Variants in SPTBN1 observed in about 807,000 individuals in gnomAD.
The protein encoded by SPTBN1 is spectrin beta, non-erythrocytic 1.
A neutral mutation model predicts 266.4 loss-of-function variants in SPTBN1; 32 were observed. The observed-to-expected ratio is 0.12, with a 90% CI of 0.09 to 0.16. The LOEUF is 0.16. Ranked by LOEUF, SPTBN1 falls within the 10% of genes least tolerant of loss-of-function variation. The probability of loss-of-function intolerance (pLI) is 1.00; values close to 1 mark genes in which losing one functional copy is unlikely to be tolerated. For synonymous variants in SPTBN1, 1,336 were observed against 1,162.2 expected (o/e 1.15, Z -3.04); for missense variants, 2,296 against 3,067.1 (o/e 0.75, Z 5.94).
chr2:54,499,650 A>C (rs575253364), intron 1 of SPTBN1, among the ~76,000 whole-genome samples: 1 of 152,224 alleles, frequency 6.6e-6, no homozygotes, highest in African/African-American at 2.4e-5. Context: ...TAAAAACACA[A>C]CATTTGTAAT....
At chr2:54,527,434 A>G (rs915423813) in intron 2 of SPTBN1, 11 of 152,272 alleles carry the variant, frequency 7.2e-5, no homozygotes, top group African/African-American at 1.9e-4. Flanking sequence ...TGTTGCCTTT[A>G]TAGTGGAATC....
In SPTBN1 at chr2:54,503,845, G is replaced by A. The variant is rs185791223; in HGVS notation, c.-47-22527G>A. Among the ~76,000 whole-genome samples the A allele has an allele frequency of 2.5e-3, 378 of 152,210 alleles. 2 individuals carry two copies. The highest frequency in any genetic ancestry group is 8.7e-3 in the African/African-American group (363 of 41,512). On this transcript the variant is annotated intron_variant, in intron 1 of 35. Transcript: ENST00000356805. ...TCTAAATGTATGGGTTCACTTTTGG[G>A]GGGAATATTTTGGTGCTGTCATAAT...
intron 2 of SPTBN1, chr2:54,526,976 C>T (rs10189084): frequency 0.047 from 7,315 of 154,228 alleles, 535 homozygotes; most frequent in African/African-American, 0.16. Flanking sequence ...GTATTACACG[C>T]AAGGATTTTA....
intron 1 of SPTBN1, among the ~76,000 whole-genome samples, chr2:54,471,120 A>G (rs1425933774): frequency 6.6e-6 from 1 of 152,106 alleles, no homozygotes; most frequent in African/African-American, 2.4e-5. Context: ...GGGGTGGCTC[A>G]TGCCTGTAAT....
intron 1 of SPTBN1, among the ~76,000 whole-genome samples, chr2:54,485,143 C>T (rs1050580151): frequency 9.5e-6 from 1 of 105,716 alleles, no homozygotes; most frequent in Non-Finnish European, 2.3e-5. Context: ...TGAAAACAAT[C>T]GCCTCTCCCT....
intron 2 of SPTBN1, among the ~76,000 whole-genome samples, chr2:54,567,157 G>A (rs1029804091): frequency 2.6e-5 from 4 of 152,128 alleles, no homozygotes; most frequent in Non-Finnish European, 2.9e-5. Flanking sequence ...CTTGATCTAG[G>A]TAAGAGGTGA....
chr2:54,633,553 TG>T (rs1239946966), intron 17 of SPTBN1, among the ~76,000 whole-genome samples: 1 of 152,172 alleles, frequency 6.6e-6, no homozygotes, highest in African/African-American at 2.4e-5. Context: ...AGTTGGAGGT[TG>T]GGGCAGATCA....
At chr2:54,661,039 G>A (rs908656243) in intron 32 of SPTBN1, 21 of 985,198 alleles carry the variant, frequency 2.1e-5, no homozygotes, top group South Asian at 1.4e-4. Flanking sequence ...GCCTGGGAGC[G>A]CTCGCATGCC....
At chr2:54,532,681 T>C (rs914930715) in intron 2 of SPTBN1, among the ~76,000 whole-genome samples, 3 of 152,222 alleles carry the variant, frequency 2.0e-5, no homozygotes, top group African/African-American at 7.2e-5. Context: ...AGGCCCACTT[T>C]CCTGACCTCT....
At chr2:54,555,715 C>A (rs954178615) in intron 2 of SPTBN1, among the ~76,000 whole-genome samples, 1 of 152,196 alleles carries the variant, frequency 6.6e-6, no homozygotes, top group Non-Finnish European at 1.5e-5. Context: ...TTCCTCCCAG[C>A]CTGACGGTTC....
At chr2:54,534,730 T>C (rs1387267249) in intron 2 of SPTBN1, among the ~76,000 whole-genome samples, 1 of 152,196 alleles carries the variant, frequency 6.6e-6, no homozygotes, top group Non-Finnish European at 1.5e-5. Context: ...CAGACTCTCT[T>C]CTCACCTCAG....
intron 2 of SPTBN1, among the ~76,000 whole-genome samples, chr2:54,570,269 C>T (rs1013275845): frequency 3.9e-5 from 6 of 152,210 alleles, no homozygotes; most frequent in South Asian, 2.1e-4. Context: ...TTTCAAGAGG[C>T]ACAAGACCTT....
chr2:54,474,083 A>C (rs1694063671), intron 1 of SPTBN1, among the ~76,000 whole-genome samples: 1 of 152,238 alleles, frequency 6.6e-6, no homozygotes, highest in African/African-American at 2.4e-5. Context: ...ATGGAAGTTC[A>C]TACCACTGGT....
intron 2 of SPTBN1, among the ~76,000 whole-genome samples, chr2:54,544,034 T>C (rs1672094789): frequency 6.6e-6 from 1 of 152,240 alleles, no homozygotes; most frequent in South Asian, 2.1e-4. Flanking sequence ...CCGGGAGGAT[T>C]ATTTATAATA....
rs1213595110 is a variant in SPTBN1, at chr2:54,628,210, T to A, written c.1758T>A (p.Gly586=). ...DIGIQAERVR[G]VNASAQKFAT... Reference sequence around the variant, plus strand: ...GCATCCAGGCAGAGCGGGTGAGAGGTGTCAATGCCTCCGCCCAGAAGTTCG... The same window carrying A: ...GCATCCAGGCAGAGCGGGTGAGAGGAGTCAATGCCTCCGCCCAGAAGTTCG... Residue 586 remains glycine (G), a synonymous_variant, in exon 13 of 36, where the codon GGT becomes GGA. Transcript: ENST00000356805. This position sits in a 1 kb window ranked among gnomAD's most constrained non-coding sequence, Gnocchi z 4.3. 1.2e-6 allele frequency: 2 copies of A among 1,613,422 alleles called. No individual in the cohort carries two copies. The highest frequency in any genetic ancestry group is 2.7e-5 in the African/African-American group (2 of 74,842).
chr2:54,575,311 ATTTTC>A (rs1416185931), intron 2 of SPTBN1, among the ~76,000 whole-genome samples: 1 of 152,060 alleles, frequency 6.6e-6, no homozygotes, highest in Non-Finnish European at 1.5e-5. Flanking sequence ...ATTTCTTTTT[ATTTTC>A]TTTTCTGCAA....
Position 54,558,508 on chromosome 2 carries a change from T to C in SPTBN1, c.148+31942T>C. 8.3e-7 allele frequency: 1 copy of C among 1,210,978 alleles called. No individual in the cohort carries two copies. Among genetic ancestry groups the C allele is most frequent in the South Asian group, 2.8e-5 (1 of 36,098 alleles). The allele number at this position is 1,210,978 out of a possible 1,614,324, so 75.0% of individuals were successfully genotyped here. A position where few individuals can be genotyped will look rare whatever the true frequency, so the allele number is the denominator to read the frequency against. ...GCGCCTCCTCTCTGCTTCTCCCTCC[T>C]CCTCAGTAATTTATTTCGAGCTTCC... On this transcript the variant is annotated intron_variant, in intron 2 of 35. Coordinates refer to ENST00000356805, the MANE Select transcript of SPTBN1 (RefSeq NM_003128.3). This position sits in a 1 kb window ranked among gnomAD's most constrained non-coding sequence, Gnocchi z 4.6.
chr2:54,608,996 G>T (rs1677039475), intron 3 of SPTBN1, among the ~76,000 whole-genome samples: 2 of 152,084 alleles, frequency 1.3e-5, no homozygotes, highest in Admixed American at 1.3e-4. Flanking sequence ...CTTCATCCTT[G>T]TCTTCACGTT....
chr2:54,562,923 C>T (rs2104481295), intron 2 of SPTBN1, among the ~76,000 whole-genome samples: 1 of 152,214 alleles, frequency 6.6e-6, no homozygotes, highest in East Asian at 1.9e-4. Flanking sequence ...TTTCTTCTTT[C>T]TTGTCAGGGT....
Sources: gnomAD v4.1 joint callset for allele counts (sites outside exome capture counted in the v4.1 genomes callset) on GRCh38, gnomAD v4.1.1 for gene constraint, Gnocchi (gnomAD v3.1) non-coding constraint, MANE v1.5 for transcripts, NCBI Gene and HGNC (gene_info 2026-07-23, HGNC 2026-07-21) for gene names.